Variants in STMN1 observed in about 807,000 individuals in gnomAD.
The protein encoded by STMN1 is stathmin 1.
In STMN1, 3 loss-of-function variants were observed where a neutral mutation model predicts 19.7. The observed-to-expected ratio is 0.15, with a 90% confidence interval of 0.07 to 0.39. STMN1 has a LOEUF of 0.39. Among genes scored for constraint, STMN1 ranks in the 10% least tolerant of loss-of-function variants. STMN1 has a pLI of 1.00. For synonymous variants in STMN1, 59 were observed against 58.9 expected (o/e 1.00, Z -0.01); for missense variants, 99 against 176.0 (o/e 0.56, Z 2.48).
downstream of STMN1, among the ~76,000 whole-genome samples, chr1:25,895,821 T>C (rs151243921): frequency 1.9e-4 from 29 of 152,350 alleles, no homozygotes; most frequent in South Asian, 1.2e-3. Context: ...TTAAGGATTG[T>C]GCACCTCAGA....
chr1:25,895,135 C>T (rs1261099470), downstream of STMN1, among the ~76,000 whole-genome samples: 1 of 146,212 alleles, frequency 6.8e-6, no homozygotes, highest in East Asian at 2.0e-4. Flanking sequence ...CACAGTATCG[C>T]TCTGTTGCCC....
intron 4 of STMN1, 79 bp from the exon 5 acceptor site, chr1:25,901,166 C>T (rs1201030305): frequency 2.6e-6 from 4 of 1,567,738 alleles, no homozygotes; most frequent in Non-Finnish European, 3.4e-6. Context: ...CCCCCAGCCC[C>T]CACCTCAAAG....
At chr1:25,887,242 T>C (rs879124312) in intron 4 of STMN1, 69 of 162,078 alleles carry the variant, frequency 4.3e-4, no homozygotes, top group Admixed American at 9.1e-4. Flanking sequence ...ATTGTCCCTT[T>C]CCAAAGCAAG....
chr1:25,896,215 C>T (rs536985421), downstream of STMN1, among the ~76,000 whole-genome samples: 1 of 152,320 alleles, frequency 6.6e-6, no homozygotes, highest in Non-Finnish European at 1.5e-5. Context: ...AGTTGCCTTA[C>T]TTCTCGCCTA....
In STMN1 at chr1:25,893,609, C is replaced by T. The variant is rs75336956; in HGVS notation, c.379-7740G>A. On this transcript the variant is annotated intron_variant, in intron 4 of 4. Transcript: ENST00000426559. ...AGGCTGGACTGCGATGGTGTGAACTCGGCTCACTGCAACCTCCGCCTCCTA... is the reference window on the plus strand; with the variant it reads ...AGGCTGGACTGCGATGGTGTGAACTTGGCTCACTGCAACCTCCGCCTCCTA... 1.0e-3 allele frequency among the ~76,000 whole-genome samples: 158 copies of T among 152,258 alleles called. 3 individuals carry two copies. The East Asian group carries it at 0.028, about 27-fold the overall frequency.
In STMN1 at chr1:25,901,643, G is replaced by T. The variant is rs765189405; in HGVS notation, c.226C>A (p.Arg76=). ...TGAAGCACTTCTTTCTCGTGCTCTC[G>T]TTTCTCAGCCAGCTGCTTCAAGACC... The part of the protein sequence containing the change: ...AEVLKQLAEK[R]EHEKEVLQKA... Residue 76 remains arginine (R), a synonymous_variant, in exon 4 of 5, where the codon CGA becomes AGA. Transcript: ENST00000455785. 6.2e-7 allele frequency: 1 copy of T among 1,612,640 alleles called. No homozygotes were observed. Among genetic ancestry groups the T allele is most frequent in the Admixed American group, 1.7e-5 (1 of 59,750 alleles).
chr1:25,895,539 G>A (rs1242360483), downstream of STMN1, among the ~76,000 whole-genome samples: 1 of 152,178 alleles, frequency 6.6e-6, no homozygotes, highest in Admixed American at 6.5e-5. Context: ...GAAGTGGGTG[G>A]GCCCAAGGGG....
In STMN1 at chr1:25,901,552, T is replaced by G. The variant is rs1232246040; in HGVS notation, c.317A>C (p.Glu106Ala). Residue 106 changes from glutamate to alanine, a missense_variant, in exon 4 of 5, where the codon GAA (glutamate) becomes GCA (alanine). Glu to Ala is a moderately radical substitution (Grantham distance 107). Transcript: ENST00000455785. ...TGCCTCTCGGTTCTCTTTATTAGCTTCCATTTTGTGGGTCAGTTTCTCTTC... is the reference window on the plus strand; with the variant it reads ...TGCCTCTCGGTTCTCTTTATTAGCTGCCATTTTGTGGGTCAGTTTCTCTTC... ...MAEEKLTHKM[E>A]ANKENREAQM... is the part of the protein sequence containing the mutation. 1 of 1,614,050 alleles carries G rather than the reference T, an allele frequency of 6.2e-7. No individual in the cohort carries two copies. Among genetic ancestry groups the G allele is most frequent in the South Asian group, 1.1e-5 (1 of 91,052 alleles).
chr1:25,903,167 AG>A (rs1440599849), intron 3 of STMN1: 3 of 152,694 alleles, frequency 2.0e-5, no homozygotes, highest in Non-Finnish European at 4.4e-5. Flanking sequence ...TTTAGATAAG[AG>A]AAAAGCTACC....
chr1:25,899,606 A>G (rs561387231), downstream of STMN1, among the ~76,000 whole-genome samples: 175 of 152,374 alleles, frequency 1.1e-3, no homozygotes, highest in Middle Eastern at 6.8e-3. Flanking sequence ...ACTCAAGAGT[A>G]TAAACTTAGA....
In STMN1 at chr1:25,900,255, A is replaced by C. The variant is rs974516199; in HGVS notation, c.*761T>G. ...AGTAGAATCTTGAGATTCTCTCTCAACTGTTCTCTAGAAACACGCTTGTGC... is the reference window on the plus strand; with the variant it reads ...AGTAGAATCTTGAGATTCTCTCTCACCTGTTCTCTAGAAACACGCTTGTGC... On this transcript the variant is annotated 3_prime_UTR_variant, in exon 5 of 5. Transcript: ENST00000455785. 1 of 985,734 alleles carries C rather than the reference A, an allele frequency of 1.0e-6. No individual in the cohort carries two copies. Among genetic ancestry groups the C allele is most frequent in the Non-Finnish European group, 1.2e-6 (1 of 829,942 alleles). 61.1% of individuals were successfully genotyped at this position (985,734 alleles called of 1,614,324 possible). A position where few individuals can be genotyped will look rare whatever the true frequency, so the allele number is the denominator to read the frequency against.
intron 4 of STMN1, among the ~76,000 whole-genome samples, chr1:25,889,453 C>A (rs75435160): frequency 5.1e-4 from 78 of 151,568 alleles, no homozygotes; most frequent in African/African-American, 1.8e-3. Flanking sequence ...CCTACTCCTT[C>A]TCCAGGCTTG....
chr1:25,904,166 G>T (rs1429437562), intron 2 of STMN1, among the ~76,000 whole-genome samples: 2 of 151,926 alleles, frequency 1.3e-5, no homozygotes, highest in Admixed American at 1.3e-4. Context: ...AATTTTTTTT[G>T]ATTAGGTGGG....
At chr1:25,890,845 C>T (rs1356148691) in intron 4 of STMN1, among the ~76,000 whole-genome samples, 5 of 152,086 alleles carry the variant, frequency 3.3e-5, no homozygotes, top group East Asian at 1.9e-4. Flanking sequence ...CAGGCACTGC[C>T]ATATTGAGCC....
intron 4 of STMN1, among the ~76,000 whole-genome samples, chr1:25,893,535 C>A (rs1010526592): frequency 3.3e-5 from 5 of 152,078 alleles, no homozygotes; most frequent in South Asian, 2.1e-4. Flanking sequence ...TGTTGATGTA[C>A]AGTGGTTTTT....
downstream of STMN1, among the ~76,000 whole-genome samples, chr1:25,899,497 G>A (rs1006008856): frequency 3.3e-5 from 5 of 152,184 alleles, no homozygotes; most frequent in Admixed American, 2.0e-4. Flanking sequence ...CTACATGGGC[G>A]TAACTCCTTA....
rs777818934 is a variant in STMN1, at chr1:25,901,694, A to C, written c.187-12T>G. 5 of 1,603,040 alleles carry C rather than the reference A, an allele frequency of 3.1e-6. No homozygotes were observed. Among genetic ancestry groups the C allele is most frequent in the Middle Eastern group, 1.7e-4 (1 of 6,018 alleles). ...TCAGCTTCATGGGACTGGAAAAAAAAGTTTAATAGGCTAGGCACTCTAAAA... is the reference window on the plus strand; with the variant it reads ...TCAGCTTCATGGGACTGGAAAAAAACGTTTAATAGGCTAGGCACTCTAAAA... On this transcript the variant is annotated splice_polypyrimidine_tract_variant and intron_variant, in intron 3 of 4. Coordinates refer to ENST00000455785, the MANE Select transcript of STMN1 (RefSeq NM_005563.4).
intron 1 of STMN1, chr1:25,905,886 C>A (rs2048938178): frequency 6.6e-6 from 1 of 152,452 alleles, no homozygotes; most frequent in South Asian, 2.1e-4. Flanking sequence ...CGTCCGGCCG[C>A]GAAGACAGAA....
At chr1:25,904,977 C>T in intron 1 of STMN1, 1 of 354,014 alleles carries the variant, frequency 2.8e-6, no homozygotes, top group South Asian at 5.6e-5. Flanking sequence ...TCATAAAACT[C>T]TTGGATTTTT....
Sources: allele counts gnomAD v4.1 joint callset (sites outside exome capture counted in the v4.1 genomes callset), GRCh38; gene constraint gnomAD v4.1.1; transcripts MANE v1.5; gene names NCBI Gene and HGNC (gene_info 2026-07-23, HGNC 2026-07-21).